IQCB1: variants seen among roughly 807,000 people sequenced by gnomAD.
The protein encoded by IQCB1 is IQ motif containing B1, also known as IQ calmodulin-binding motif-containing protein 1.
Under a neutral mutation model 84.4 loss-of-function variants are expected in IQCB1, and 56 were observed. The ratio of observed to expected loss-of-function variants is 0.66; its 90% CI spans 0.54 to 0.83. The LOEUF is 0.83. Ranked by LOEUF, IQCB1 falls within the 40% of genes least tolerant of loss-of-function variation. The pLI, the probability that IQCB1 is intolerant of heterozygous loss-of-function variation, is 0.00. For missense variants in IQCB1, 629 were observed against 682.1 expected (o/e 0.92, Z 0.87); for synonymous variants, 210 against 234.8 (o/e 0.89, Z 0.96).
chr3:121,802,395 G>C (rs1199403191), intron 7 of IQCB1, among the ~76,000 whole-genome samples: 2 of 151,982 alleles, frequency 1.3e-5, no homozygotes, highest in African/African-American at 2.4e-5. Context: ...TTGTCCATTT[G>C]ATCTAAGTTG....
At chr3:121,781,706 A>T (rs1948502578) in intron 13 of IQCB1, 37 bp downstream of exon 13, 2 of 1,576,632 alleles carry the variant, frequency 1.3e-6, no homozygotes, top group African/African-American at 2.7e-5. Context: ...CATGCATTGG[A>T]ATAATGTAAT....
At chr3:121,776,658 C>T (rs1405780278) in intron 13 of IQCB1, among the ~76,000 whole-genome samples, 1 of 152,214 alleles carries the variant, frequency 6.6e-6, no homozygotes, top group Non-Finnish European at 1.5e-5. Flanking sequence ...AATCCTCCCA[C>T]CTTGGCCTCC....
chr3:121,801,708 T>C (rs4259001), intron 7 of IQCB1, among the ~76,000 whole-genome samples: 60,097 of 151,616 alleles, frequency 0.4, 12,481 homozygotes, highest in South Asian at 0.56. Flanking sequence ...TTGTATTTCA[T>C]TGTAGTTCCT....
intron 4 of IQCB1, among the ~76,000 whole-genome samples, chr3:121,828,257 T>C (rs1950521956): frequency 6.6e-6 from 1 of 152,156 alleles, no homozygotes; most frequent in Admixed American, 6.5e-5. Flanking sequence ...ATGATCACCA[T>C]CTTCATTAAG....
intron 8 of IQCB1, among the ~76,000 whole-genome samples, chr3:121,798,205 A>G (rs1949274652): frequency 6.6e-6 from 1 of 151,930 alleles, no homozygotes; most frequent in Non-Finnish European, 1.5e-5. Context: ...TATTCCTACA[A>G]TACCCTCAGT....
intron 5 of IQCB1, among the ~76,000 whole-genome samples, chr3:121,809,605 C>G (rs1478500444): frequency 6.6e-6 from 1 of 152,040 alleles, no homozygotes; most frequent in Non-Finnish European, 1.5e-5. Context: ...AATGTTCAAT[C>G]AACATTTAGT....
Position 121,799,285 on chromosome 3 carries a change from A to G in IQCB1, c.677T>C (p.Ile226Thr), listed in dbSNP as rs755041031. Residue 226 changes from isoleucine to threonine, a missense_variant, in exon 8 of 15, where the codon ATA (isoleucine) becomes ACA (threonine). Physicochemically the swap from Ile to Thr is moderately conservative, Grantham distance 89 (BLOSUM62 -1). Coordinates refer to ENST00000310864, the MANE Select transcript of IQCB1 (RefSeq NM_001023570.4). ...FKLFSTPSPV[I>T]RSTATKLLLL... ...TAGGAGTTTTGTAGCAGTACTTCTT[A>G]TAACTGGACTAGGAGTTGAAAAAAG... The G allele has an allele frequency of 1.2e-6, 2 of 1,608,810 alleles. No homozygotes were observed. The highest frequency in any genetic ancestry group is 2.2e-5 in the South Asian group (2 of 90,714).
intron 5 of IQCB1, among the ~76,000 whole-genome samples, chr3:121,809,793 T>C (rs1258937594): frequency 1.3e-5 from 2 of 152,072 alleles, no homozygotes; most frequent in Admixed American, 1.3e-4. Flanking sequence ...ATCTTATCCA[T>C]GTCCTGAATG....
intron 10 of IQCB1, among the ~76,000 whole-genome samples, chr3:121,792,087 AAACAAC>A (rs540996699): frequency 2.0e-5 from 3 of 152,180 alleles, no homozygotes; most frequent in African/African-American, 7.2e-5. Flanking sequence ...CTCCGCCTCA[AAACAAC>A]AACAACGACA....
intron 6 of IQCB1, 124 bp from the exon 7 acceptor site, chr3:121,807,567 C>T: frequency 1.6e-6 from 1 of 608,980 alleles, no homozygotes; most frequent in South Asian, 1.8e-5. Context: ...ACTTTGTAGA[C>T]TCTACGATAA....
intron 5 of IQCB1, among the ~76,000 whole-genome samples, chr3:121,810,820 T>C (rs1443754148): frequency 6.6e-6 from 1 of 152,144 alleles, no homozygotes; most frequent in African/African-American, 2.4e-5. Context: ...TCCAACACAA[T>C]TCCTATAGTT....
chr3:121,787,680 G>A (rs1446972736), intron 12 of IQCB1, among the ~76,000 whole-genome samples: 3 of 151,870 alleles, frequency 2.0e-5, no homozygotes, highest in African/African-American at 7.3e-5. Context: ...GAACCTGGGA[G>A]GCGGAGGTTG....
chr3:121,798,803 T>C (rs987962514), intron 8 of IQCB1, among the ~76,000 whole-genome samples: 8 of 151,914 alleles, frequency 5.3e-5, no homozygotes, highest in Non-Finnish European at 8.8e-5. Flanking sequence ...TAAGTAATTA[T>C]TGATAGTTCA....
chr3:121,821,144 C>T (rs6784571), intron 5 of IQCB1, among the ~76,000 whole-genome samples: 37,436 of 151,974 alleles, frequency 0.25, 4,946 homozygotes, highest in Non-Finnish European at 0.28. Context: ...GCATGTGCAA[C>T]CACACTTGGC....
intron 7 of IQCB1, among the ~76,000 whole-genome samples, chr3:121,800,058 T>C (rs1949344665): frequency 6.6e-6 from 1 of 151,870 alleles, no homozygotes; most frequent in African/African-American, 2.4e-5. Flanking sequence ...TAGAAAACAA[T>C]GCTAAAGATT....
intron 5 of IQCB1, among the ~76,000 whole-genome samples, chr3:121,813,155 T>C (rs1021982317): frequency 6.6e-6 from 1 of 152,198 alleles, no homozygotes; most frequent in Non-Finnish European, 1.5e-5. Context: ...TAGAATTTCA[T>C]ATCTAGCCAA....
At chr3:121,816,287 T>A (rs1024462384) in intron 5 of IQCB1, among the ~76,000 whole-genome samples, 1 of 152,134 alleles carries the variant, frequency 6.6e-6, no homozygotes. Context: ...GATTAAAGAC[T>A]TACACATAAG....
intron 9 of IQCB1, among the ~76,000 whole-genome samples, chr3:121,796,811 T>C (rs1432936542): frequency 5.9e-5 from 9 of 152,114 alleles, no homozygotes; most frequent in Admixed American, 5.2e-4. Flanking sequence ...AATTATGTTT[T>C]CCAGCAGATT....
At chr3:121,825,061 C>CTTT (rs1553721684) in intron 5 of IQCB1, among the ~76,000 whole-genome samples, 3 of 83,774 alleles carry the variant, frequency 3.6e-5, no homozygotes, top group African/African-American at 8.8e-5. Context: ...TTTTTCTTTT[C>CTTT]TTTTTTTTTT....
Sources: allele counts gnomAD v4.1 joint callset (sites outside exome capture counted in the v4.1 genomes callset), GRCh38; gene constraint gnomAD v4.1.1; transcripts MANE v1.5; gene names NCBI Gene and HGNC (gene_info 2026-07-23, HGNC 2026-07-21).